ROBO1: variants seen among roughly 807,000 people sequenced by gnomAD.
ROBO1 encodes the protein roundabout homolog 1.
ROBO1 carries 149 observed loss-of-function variants against 195.9 expected under a neutral mutation model. That is an observed-to-expected ratio of 0.76 (90% CI 0.67 to 0.87). The LOEUF (loss-of-function observed/expected upper bound fraction) is 0.87. ROBO1 is among the 40% of genes least tolerant of loss of function. The probability of loss-of-function intolerance (pLI) is 0.00; values close to 1 mark genes in which losing one functional copy is unlikely to be tolerated. For synonymous variants in ROBO1, 816 were observed against 733.2 expected (o/e 1.11, Z -1.82); for missense variants, 1,933 against 2,068.3 (o/e 0.93, Z 1.27).
intron 3 of ROBO1, among the ~76,000 whole-genome samples, chr3:78,955,784 T>C (rs1015157938): frequency 5.3e-5 from 8 of 152,178 alleles, no homozygotes; most frequent in East Asian, 1.9e-4. Flanking sequence ...ATTACACTTT[T>C]AGAAAACAAA....
Position 79,492,313 on chromosome 3 carries a change from T to C in ROBO1, c.88+97511A>G, listed in dbSNP as rs769671778. On this transcript the variant is annotated intron_variant, in intron 2 of 30. Coordinates refer to ENST00000464233, the MANE Select transcript of ROBO1 (RefSeq NM_002941.4). The stretch of plus-strand genomic sequence containing the variant: ...GGTGGCTGGTGCCTGTAATCCTAGC[T>C]ACTTGGGAGGCTGAGGCAGGAGAAT... Among the ~76,000 whole-genome samples the C allele has an allele frequency of 1.1e-4, 17 of 151,170 alleles. 1 individual carries two copies. Among genetic ancestry groups the C allele is most frequent in the East Asian group, 7.9e-4 (4 of 5,082 alleles).
At chr3:78,673,586 A>ATATTT (rs1708216596) in intron 10 of ROBO1, among the ~76,000 whole-genome samples, 1 of 71,194 alleles carries the variant, frequency 1.4e-5, no homozygotes, top group Non-Finnish European at 3.1e-5. Context: ...ATATATATAT[A>ATATTT]TATATATATA....
intron 2 of ROBO1, among the ~76,000 whole-genome samples, chr3:79,525,568 A>T (rs1466056537): frequency 6.2e-5 from 9 of 145,350 alleles, no homozygotes; most frequent in South Asian, 2.1e-4. Flanking sequence ...ATATATATAT[A>T]TTTTTTTTGG....
chr3:78,676,618 T>G (rs1241684968), intron 10 of ROBO1, among the ~76,000 whole-genome samples: 3 of 151,606 alleles, frequency 2.0e-5, no homozygotes, highest in African/African-American at 7.3e-5. Flanking sequence ...GAAGGGAAGT[T>G]TAGAGAAAAA....
intron 2 of ROBO1, among the ~76,000 whole-genome samples, chr3:79,477,337 T>C (rs12330408): frequency 0.058 from 8,858 of 152,194 alleles, 850 homozygotes; most frequent in African/African-American, 0.2. Flanking sequence ...TCTAAACATC[T>C]CATCTCAACC....
At chr3:78,784,209 C>T (rs1259589367) in intron 4 of ROBO1, among the ~76,000 whole-genome samples, 8 of 151,950 alleles carry the variant, frequency 5.3e-5, no homozygotes, top group Non-Finnish European at 8.8e-5. Context: ...AGATTGTATT[C>T]ACAAACTACC....
intron 4 of ROBO1, among the ~76,000 whole-genome samples, chr3:78,758,407 C>T (rs2082996442): frequency 6.6e-6 from 1 of 151,602 alleles, no homozygotes; most frequent in Non-Finnish European, 1.5e-5. Context: ...GGCCTGTAGT[C>T]CCGCTACTTG....
At chr3:79,602,601 A>G (rs1232160784) in intron 1 of ROBO1, among the ~76,000 whole-genome samples, 1 of 152,048 alleles carries the variant, frequency 6.6e-6, no homozygotes, top group Non-Finnish European at 1.5e-5. Context: ...GGCTACTGCA[A>G]AAGACTTGGT....
intron 3 of ROBO1, among the ~76,000 whole-genome samples, chr3:79,115,881 T>G (rs1044143885): frequency 1.3e-5 from 2 of 152,104 alleles, no homozygotes; most frequent in Admixed American, 6.5e-5. Flanking sequence ...ACAACATTGC[T>G]TCCAACAAAA....
At chr3:78,977,374 A>G (rs935067159) in intron 3 of ROBO1, among the ~76,000 whole-genome samples, 3 of 152,042 alleles carry the variant, frequency 2.0e-5, no homozygotes, top group African/African-American at 7.2e-5. Flanking sequence ...AAGATATATG[A>G]TTAATTAAAA....
chr3:78,964,093 C>T lies in ROBO1; in HGVS notation c.173-25166G>A, dbSNP rs530327533. Among the ~76,000 whole-genome samples the T allele has an allele frequency of 1.8e-4, 27 of 152,262 alleles. No homozygotes were observed. The East Asian group carries it at 4.7e-3, about 26-fold the overall frequency. On this transcript the variant is annotated intron_variant, in intron 3 of 30. Coordinates refer to ENST00000464233, the MANE Select transcript of ROBO1 (RefSeq NM_002941.4). ...TGGTTTCCTGGCAGTTCCCCGGCGGCTGCTGCATCACCTATCCTGATCCCT... is the reference window on the plus strand; with the variant it reads ...TGGTTTCCTGGCAGTTCCCCGGCGGTTGCTGCATCACCTATCCTGATCCCT...
At chr3:78,923,403 G>T (rs2039048494) in intron 4 of ROBO1, among the ~76,000 whole-genome samples, 1 of 152,064 alleles carries the variant, frequency 6.6e-6, no homozygotes, top group Non-Finnish European at 1.5e-5. Flanking sequence ...TTCTAAAGTG[G>T]AAAGGGACTG....
intron 3 of ROBO1, among the ~76,000 whole-genome samples, chr3:78,947,447 C>A (rs550954794): frequency 6.6e-6 from 1 of 152,266 alleles, no homozygotes; most frequent in South Asian, 2.1e-4. Flanking sequence ...GAAACGAAGG[C>A]AGAAATAAAG....
rs1399938955 is a variant in ROBO1 at position 78,627,473 on chromosome 3, G to A, written c.3723C>T (p.Pro1241=). 1 of 1,613,192 alleles carries A rather than the reference G, an allele frequency of 6.2e-7. No individual in the cohort carries two copies. The highest frequency in any genetic ancestry group is 1.7e-5 in the Admixed American group (1 of 59,952). ...EEEEDERGPT[P]PVRGAASSPA... Reference sequence around the variant, plus strand: ...GAGAAGAAGCTGCTCCCCGAACAGGGGGAGTGGGGCCTCGTTCATCTTCCT... The same window carrying A: ...GAGAAGAAGCTGCTCCCCGAACAGGAGGAGTGGGGCCTCGTTCATCTTCCT... The change falls in exon 26 of 31, where the codon CCC becomes CCT. Residue 1241 remains proline, a synonymous_variant. Coordinates refer to ENST00000464233, the MANE Select transcript of ROBO1 (RefSeq NM_002941.4).
chr3:78,598,968 TAA>T, intron 30 of ROBO1, 41 bp from the exon 31 acceptor site: 3 of 1,355,116 alleles, frequency 2.2e-6, no homozygotes, highest in Middle Eastern at 2.6e-4. Flanking sequence ...AAATAAATCT[TAA>T]GAGGATTGTG....
chr3:79,225,246 T>C (rs1469592696), intron 2 of ROBO1, among the ~76,000 whole-genome samples: 1 of 152,224 alleles, frequency 6.6e-6, no homozygotes, highest in Non-Finnish European at 1.5e-5. Context: ...TGCAGGTCTG[T>C]GCCTTGGGCA....
chr3:79,458,122 C>T (rs1332391715), intron 2 of ROBO1, among the ~76,000 whole-genome samples: 1 of 150,900 alleles, frequency 6.6e-6, no homozygotes, highest in African/African-American at 2.4e-5. Flanking sequence ...TTTTAAATAG[C>T]AAGAAAAAAA....
At chr3:79,724,175 G>C (rs1445238066) in intron 1 of ROBO1, among the ~76,000 whole-genome samples, 2 of 152,124 alleles carry the variant, frequency 1.3e-5, no homozygotes, top group Non-Finnish European at 2.9e-5. Context: ...TGTTTTGTTT[G>C]CTCTTTTATT....
chr3:78,655,889 G>T (rs1706975097), intron 18 of ROBO1, among the ~76,000 whole-genome samples: 1 of 152,068 alleles, frequency 6.6e-6, no homozygotes, highest in Admixed American at 6.5e-5. Context: ...CTTAACTTCT[G>T]ATCTGGAAGA....
Sources: allele counts gnomAD v4.1 joint callset (sites outside exome capture counted in the v4.1 genomes callset), GRCh38; gene constraint gnomAD v4.1.1; transcripts MANE v1.5; gene names NCBI Gene and HGNC (gene_info 2026-07-23, HGNC 2026-07-21).